LDB2: variants seen among roughly 807,000 people sequenced by gnomAD.
The protein encoded by LDB2 is LIM domain binding 2.
LDB2 carries 12 observed loss-of-function variants against 44.3 expected under a neutral mutation model. The ratio of observed to expected loss-of-function variants is 0.27; its 90% CI spans 0.17 to 0.44. The LOEUF (loss-of-function observed/expected upper bound fraction) is 0.44. Ranked by LOEUF, LDB2 falls within the 20% of genes least tolerant of loss-of-function variation. LDB2 has a pLI of 1.00. For missense variants in LDB2, 344 were observed against 473.5 expected, an observed-to-expected ratio of 0.73 and a Z score of 2.54; for synonymous variants, 164 against 174.8, an observed-to-expected ratio of 0.94 and a Z score of 0.49.
At chr4:16,701,930 C>T (rs1469838639) in intron 2 of LDB2, among the ~76,000 whole-genome samples, 1 of 152,222 alleles carries the variant, frequency 6.6e-6, no homozygotes, top group Non-Finnish European at 1.5e-5. Flanking sequence ...CTGTTATCAT[C>T]ACTATTACTA....
chr4:16,740,674 T>G (rs1177572310), intron 2 of LDB2, among the ~76,000 whole-genome samples: 1 of 152,222 alleles, frequency 6.6e-6, no homozygotes. Flanking sequence ...AGAACTGTGT[T>G]CAGGATGAGA....
Position 16,839,945 on chromosome 4 carries a change from A to C in LDB2, c.132+58409T>G, listed in dbSNP as rs559409857. Among the ~76,000 whole-genome samples, 3 of 152,262 alleles carry C rather than the reference A, an allele frequency of 2.0e-5. No individual in the cohort carries two copies. In the East Asian group the frequency reaches 5.8e-4, roughly 29 times the overall value. On this transcript the variant is annotated intron_variant, in intron 1 of 7. Coordinates refer to ENST00000304523, the MANE Select transcript of LDB2 (RefSeq NM_001290.5). Reference sequence around the variant, plus strand: ...CACATGCACATTTTGGGCCTACCTAAAGTGGCCAACATTTTCATGAAGTGC... The same window carrying C: ...CACATGCACATTTTGGGCCTACCTACAGTGGCCAACATTTTCATGAAGTGC...
At chr4:16,781,710 C>G (rs1773271481) in intron 1 of LDB2, among the ~76,000 whole-genome samples, 1 of 152,182 alleles carries the variant, frequency 6.6e-6, no homozygotes, top group Non-Finnish European at 1.5e-5. Context: ...CACCTGCCCC[C>G]TCCCCTATAA....
At chr4:16,545,982 G>T (rs1328815893) in intron 5 of LDB2, among the ~76,000 whole-genome samples, 1 of 152,172 alleles carries the variant, frequency 6.6e-6, no homozygotes, top group Non-Finnish European at 1.5e-5. Context: ...TTGCAACAGG[G>T]TAAGTCTAAC....
chr4:16,616,233 T>G (rs938246993), intron 2 of LDB2, among the ~76,000 whole-genome samples: 2 of 152,306 alleles, frequency 1.3e-5, no homozygotes, highest in African/African-American at 2.4e-5. Context: ...AATAAACATC[T>G]GTTGGATGAC....
chr4:16,672,537 A>G (rs552918124), intron 2 of LDB2, among the ~76,000 whole-genome samples: 13 of 152,270 alleles, frequency 8.5e-5, no homozygotes, highest in African/African-American at 2.9e-4. Context: ...TTTTTAAACT[A>G]TACTACTGGG....
intron 2 of LDB2, among the ~76,000 whole-genome samples, chr4:16,694,388 C>T (rs1476278800): frequency 6.6e-6 from 1 of 152,234 alleles, no homozygotes; most frequent in Non-Finnish European, 1.5e-5. Context: ...GTTTTAAGAA[C>T]ATTGACCGAT....
intron 2 of LDB2, among the ~76,000 whole-genome samples, chr4:16,676,446 G>C (rs906791246): frequency 2.0e-5 from 3 of 152,328 alleles, no homozygotes; most frequent in African/African-American, 7.2e-5. Context: ...CCAAGATCAC[G>C]GAACACCCTG....
chr4:16,789,804 C>T (rs1016395181), intron 1 of LDB2, among the ~76,000 whole-genome samples: 7 of 152,222 alleles, frequency 4.6e-5, no homozygotes, highest in East Asian at 3.9e-4. Flanking sequence ...TGATGGCATA[C>T]GCCTGTAGTC....
chr4:16,594,791 G>A (rs1720316572), intron 3 of LDB2, among the ~76,000 whole-genome samples: 1 of 152,142 alleles, frequency 6.6e-6, no homozygotes, highest in South Asian at 2.1e-4. Flanking sequence ...GTTGTCATTT[G>A]TGTTTTGAAC....
In LDB2 at chr4:16,579,849, G is replaced by A. The variant is rs773922260; in HGVS notation, c.615+6073C>T. ...CAAGAGATATCTACTGGGTACTTAC[G>A]TGTCTTCACATTGCTCAGAGTCTAG... On this transcript the variant is annotated intron_variant, in intron 5 of 7. Coordinates refer to ENST00000304523, the MANE Select transcript of LDB2 (RefSeq NM_001290.5). Among the ~76,000 whole-genome samples the A allele has an allele frequency of 1.2e-4, 19 of 152,248 alleles. No homozygotes were observed. The East Asian group carries it at 1.9e-3, about 15-fold the overall frequency.
intron 1 of LDB2, among the ~76,000 whole-genome samples, chr4:16,819,041 T>C (rs1028325547): frequency 1.1e-4 from 17 of 152,064 alleles, no homozygotes; most frequent in African/African-American, 4.1e-4. Flanking sequence ...GTACATCTCA[T>C]GCAGAAAGAA....
In LDB2 at chr4:16,780,220, T is replaced by A. The variant is rs544415584; in HGVS notation, c.133-20960A>T. ...ACAGAAGTGAGATGATTTCTAATTT[T>A]TTTTATTTTATTATTTTTTTGAGAT... On this transcript the variant is annotated intron_variant, in intron 1 of 7. Transcript: ENST00000304523. Among the ~76,000 whole-genome samples the A allele has an allele frequency of 4.8e-3, 727 of 152,284 alleles. 4 individuals are homozygous for A. Among genetic ancestry groups the A allele is most frequent in the African/African-American group, 0.014 (592 of 41,556 alleles).
chr4:16,522,195 G>A (rs1160894335), intron 5 of LDB2, among the ~76,000 whole-genome samples: 1 of 152,020 alleles, frequency 6.6e-6, no homozygotes, highest in African/African-American at 2.4e-5. Context: ...AGGGGGGCAG[G>A]GGTTTCACAG....
At chr4:16,556,252 T>C (rs1468636964) in intron 5 of LDB2, among the ~76,000 whole-genome samples, 1 of 152,246 alleles carries the variant, frequency 6.6e-6, no homozygotes, top group African/African-American at 2.4e-5. Context: ...TGTTTTTGCA[T>C]ATGTTTATAT....
intron 2 of LDB2, among the ~76,000 whole-genome samples, chr4:16,644,019 A>G (rs1411087862): frequency 6.6e-6 from 1 of 152,108 alleles, no homozygotes; most frequent in Non-Finnish European, 1.5e-5. Flanking sequence ...TTTTTTGTCA[A>G]TGTTTTGTCA....
intron 2 of LDB2, among the ~76,000 whole-genome samples, chr4:16,673,003 C>A (rs1411727429): frequency 6.7e-6 from 1 of 149,876 alleles, no homozygotes; most frequent in Non-Finnish European, 1.5e-5. Flanking sequence ...TCCTTTCTTT[C>A]TTCTTTCTCT....
intron 2 of LDB2, among the ~76,000 whole-genome samples, chr4:16,685,728 C>G (rs1054334235): frequency 6.6e-6 from 1 of 152,144 alleles, no homozygotes; most frequent in African/African-American, 2.4e-5. Flanking sequence ...AATCCGGAAG[C>G]ATTCTCTACC....
chr4:16,592,152 A>G (rs1719203894), intron 3 of LDB2, among the ~76,000 whole-genome samples: 2 of 152,188 alleles, frequency 1.3e-5, no homozygotes, highest in South Asian at 4.1e-4. Flanking sequence ...CTAGCTTGAG[A>G]CTAGGCCAGG....
Sources: allele counts gnomAD v4.1 joint callset (sites outside exome capture counted in the v4.1 genomes callset), GRCh38; gene constraint gnomAD v4.1.1; transcripts MANE v1.5; gene names NCBI Gene and HGNC (gene_info 2026-07-23, HGNC 2026-07-21).